PGAP1: variants seen among roughly 807,000 people sequenced by gnomAD.
PGAP1 encodes the protein post-GPI attachment to proteins inositol deacylase 1, also known as GPI inositol-deacylase.
A neutral mutation model predicts 127.0 loss-of-function variants in PGAP1; 76 were observed. That is an observed-to-expected ratio of 0.60 (90% CI 0.50 to 0.72). PGAP1 has a LOEUF of 0.72. PGAP1 is among the 30% of genes least tolerant of loss of function. PGAP1 has a pLI of 0.00. For synonymous variants in PGAP1, 362 were observed against 366.5 expected, an observed-to-expected ratio of 0.99 and a Z score of 0.14; for missense variants, 982 against 1,071.3, an observed-to-expected ratio of 0.92 and a Z score of 1.16.
chr2:196,897,700 C>T (rs1702331413), intron 6 of PGAP1, among the ~76,000 whole-genome samples: 1 of 152,176 alleles, frequency 6.6e-6, no homozygotes, highest in African/African-American at 2.4e-5. Context: ...CTCAGACAGT[C>T]CTACCAAAAG....
rs1266294727 is a variant in PGAP1 at position 196,926,668 on chromosome 2, G to A, written c.-52C>T. On this transcript the variant is annotated 5_prime_UTR_variant, in exon 1 of 27. Coordinates refer to ENST00000354764, the MANE Select transcript of PGAP1 (RefSeq NM_024989.4). ...CGCCGCCCCCTCTACCTCCTTCTCC[G>A]CCGCGGGGCCCCAAGCCCGGACTGA... The A allele has an allele frequency of 2.5e-6, 4 of 1,610,196 alleles. No individual in the cohort carries two copies. The highest frequency in any genetic ancestry group is 1.7e-5 in the Admixed American group (1 of 59,848).
In PGAP1 at chr2:196,842,777, G is replaced by A; in HGVS notation, c.2574C>T (p.Ile858=). Reference sequence around the variant, plus strand: ...CAAGAATTGCCATAGTCGGAATAAGGATAAATGCCAAAGGTTTACATGGAT... The same window carrying A: ...CAAGAATTGCCATAGTCGGAATAAGAATAAATGCCAAAGGTTTACATGGAT... ...NPDPCKPLAF[I]LIPTMAILGN... Residue 858 remains isoleucine (I), a synonymous_variant, in exon 26 of 27, where the codon ATC becomes ATT. Coordinates refer to ENST00000354764, the MANE Select transcript of PGAP1 (RefSeq NM_024989.4). The A allele has an allele frequency of 6.3e-7, 1 of 1,587,580 alleles. No homozygotes were observed. Among genetic ancestry groups the A allele is most frequent in the Non-Finnish European group, 8.6e-7 (1 of 1,163,440 alleles).
Position 196,842,823 on chromosome 2 carries a change from T to C in PGAP1, c.2528A>G (p.Tyr843Cys). The change falls in exon 26 of 27, where the codon TAT becomes TGT. Residue 843 changes from tyrosine (Y) to cysteine (C), a missense_variant and splice_region_variant. Transcript: ENST00000354764. ...TGGATCAGGATTAAGTTTAAAATAATACCTATAATATTAAAAAAAGAAACC... is the reference window on the plus strand; with the variant it reads ...TGGATCAGGATTAAGTTTAAAATAACACCTATAATATTAAAAAAAGAAACC... ...SLIYWLKNLR[Y>C]YFKLNPDPCK... 1 of 1,427,778 alleles carries C rather than the reference T, an allele frequency of 7.0e-7. No individual in the cohort carries two copies. Among genetic ancestry groups the C allele is most frequent in the Non-Finnish European group, 9.6e-7 (1 of 1,042,024 alleles). 88.4% of individuals were successfully genotyped at this position (1,427,778 alleles called of 1,614,324 possible). A position where few individuals can be genotyped will look rare whatever the true frequency, so the allele number is the denominator to read the frequency against.
At chr2:196,920,976 C>T (rs1703172810) in intron 1 of PGAP1, among the ~76,000 whole-genome samples, 2 of 151,990 alleles carry the variant, frequency 1.3e-5, no homozygotes, top group Admixed American at 1.3e-4. Flanking sequence ...GTAAAGTATA[C>T]ATACACCCTT....
intron 20 of PGAP1, among the ~76,000 whole-genome samples, chr2:196,862,428 GCC>G (rs1194535912): frequency 6.6e-6 from 1 of 151,892 alleles, no homozygotes; most frequent in Non-Finnish European, 1.5e-5. Context: ...TTTTAATTTC[GCC>G]CCGGTCCTGT....
rs62185646 is a variant in PGAP1 at position 196,872,755 on chromosome 2, G to A, written c.1619+205C>T. ...CAGGAGTTGCGAGAGGGTGGAAGGGGGTTCAGGTTCCAAGGAAGTAAAGTT... is the reference window on the plus strand; with the variant it reads ...CAGGAGTTGCGAGAGGGTGGAAGGGAGTTCAGGTTCCAAGGAAGTAAAGTT... On this transcript the variant is annotated intron_variant, in intron 17 of 26. Transcript: ENST00000354764. The A allele has an allele frequency of 3.5e-3, 1,979 of 567,584 alleles. 8 individuals are homozygous for A. The highest frequency in any genetic ancestry group is 5.1e-3 in the Non-Finnish European group (1,628 of 320,904). 35.2% of individuals were successfully genotyped at this position (567,584 alleles called of 1,614,324 possible). A position where few individuals can be genotyped will look rare whatever the true frequency, so the allele number is the denominator to read the frequency against.
intron 20 of PGAP1, among the ~76,000 whole-genome samples, chr2:196,856,964 T>C (rs1330062784): frequency 6.6e-6 from 1 of 152,196 alleles, no homozygotes; most frequent in Non-Finnish European, 1.5e-5. Flanking sequence ...ATCTTTTGCC[T>C]CCCTGGTTAG....
intron 26 of PGAP1, 21 bp from the exon 27 acceptor site, chr2:196,841,393 A>T (rs776114886): frequency 6.3e-7 from 1 of 1,597,064 alleles, no homozygotes. Context: ...ACAGAGAAAT[A>T]TACATTACTT....
At chr2:196,850,527 A>T (rs1278700324) in intron 20 of PGAP1, among the ~76,000 whole-genome samples, 1 of 152,218 alleles carries the variant, frequency 6.6e-6, no homozygotes, top group Admixed American at 6.5e-5. Flanking sequence ...TTAAAACTTA[A>T]GAGGATCCCA....
At chr2:196,844,721 T>C (rs1202555348) in intron 23 of PGAP1, 147 bp from the exon 24 acceptor site, 1 of 600,074 alleles carries the variant, frequency 1.7e-6, no homozygotes, top group Non-Finnish European at 2.9e-6. Context: ...AACATTCTTA[T>C]ACAAAACAAC....
chr2:196,904,876 T>G (rs905742528), intron 4 of PGAP1, among the ~76,000 whole-genome samples: 1 of 152,156 alleles, frequency 6.6e-6, no homozygotes. Context: ...ACCTCTAAAG[T>G]GCAGAGCCCA....
rs200136812 is a variant in PGAP1 at position 196,842,850 on chromosome 2, A to C, written c.2526-25T>G. On this transcript the variant is annotated intron_variant, in intron 25 of 26. Coordinates refer to ENST00000354764, the MANE Select transcript of PGAP1 (RefSeq NM_024989.4). ...CCTATAATATTAAAAAAAGAAACCC[A>C]CAAATCAACAATGACCTGATCATTT... 121 of 1,103,442 alleles carry C rather than the reference A, an allele frequency of 1.1e-4. 1 individual carries two copies. The Admixed American group carries it at 2.8e-3, about 25-fold the overall frequency. The allele number at this position is 1,103,442 out of a possible 1,614,324, so 68.4% of individuals were successfully genotyped here.
intron 24 of PGAP1, 89 bp downstream of exon 24, chr2:196,844,435 T>C (rs1038404315): frequency 6.8e-6 from 6 of 878,704 alleles, no homozygotes; most frequent in South Asian, 5.3e-5. Flanking sequence ...TTAAGCACTA[T>C]GAAATACTAA....
Position 196,834,447 on chromosome 2 carries a change from T to C in PGAP1, c.*6787A>G, listed in dbSNP as rs909016571. 6.6e-6 allele frequency: 1 copy of C among 152,436 alleles called. No individual in the cohort carries two copies. The highest frequency in any genetic ancestry group is 6.6e-5 in the Admixed American group (1 of 15,266). The allele number at this position is 152,436 out of a possible 1,614,324, so 9.4% of individuals were successfully genotyped here. On this transcript the variant is annotated 3_prime_UTR_variant, in exon 27 of 27. Coordinates refer to ENST00000354764, the MANE Select transcript of PGAP1 (RefSeq NM_024989.4). ...TTATAAAATTGCAGGGCACTCTTTATCATTTCAAGGCACACTCTGTTTTAT... is the reference window on the plus strand; with the variant it reads ...TTATAAAATTGCAGGGCACTCTTTACCATTTCAAGGCACACTCTGTTTTAT...
rs919331845 is a variant in PGAP1 at position 196,840,697 on chromosome 2, T to G, written c.*537A>C. 6.6e-6 allele frequency: 1 copy of G among 152,248 alleles called. No individual in the cohort carries two copies. Among genetic ancestry groups the G allele is most frequent in the South Asian group, 2.1e-4 (1 of 4,828 alleles). The allele number at this position is 152,248 out of a possible 1,614,324, so 9.4% of individuals were successfully genotyped here. A position where few individuals can be genotyped will look rare whatever the true frequency, so the allele number is the denominator to read the frequency against. ...ATAGATGTAAGAAGACAAGATCCACTTTGTTCATGGTGGCTGCCAAAAACT... is the reference window on the plus strand; with the variant it reads ...ATAGATGTAAGAAGACAAGATCCACGTTGTTCATGGTGGCTGCCAAAAACT... On this transcript the variant is annotated 3_prime_UTR_variant, in exon 27 of 27. Transcript: ENST00000354764.
intron 7 of PGAP1, among the ~76,000 whole-genome samples, chr2:196,894,505 G>C (rs1219954973): frequency 1.3e-5 from 2 of 152,162 alleles, no homozygotes; most frequent in Admixed American, 1.3e-4. Context: ...GTTACAGCCT[G>C]TCTATCAAAA....
At chr2:196,848,935 G>T (rs1012548492) in intron 20 of PGAP1, among the ~76,000 whole-genome samples, 1 of 152,046 alleles carries the variant, frequency 6.6e-6, no homozygotes, top group Non-Finnish European at 1.5e-5. Flanking sequence ...AGTGTATGAG[G>T]GTTCCAGGTT....
chr2:196,850,873 C>CA (rs1397068622), intron 20 of PGAP1, among the ~76,000 whole-genome samples: 1 of 151,318 alleles, frequency 6.6e-6, no homozygotes, highest in Non-Finnish European at 1.5e-5. Context: ...GCAGCAGCAG[C>CA]AAAAAAAGAA....
intron 20 of PGAP1, among the ~76,000 whole-genome samples, chr2:196,861,172 C>A (rs1701050888): frequency 6.6e-6 from 1 of 151,942 alleles, no homozygotes; most frequent in Non-Finnish European, 1.5e-5. Context: ...TCATCATATG[C>A]AAAAATTAAA....
Sources: allele counts gnomAD v4.1 joint callset (sites outside exome capture counted in the v4.1 genomes callset), GRCh38; gene constraint gnomAD v4.1.1; transcripts MANE v1.5; gene names NCBI Gene and HGNC (gene_info 2026-07-23, HGNC 2026-07-21).